Variants in LY86 observed in about 807,000 individuals in gnomAD.
The protein encoded by LY86 is lymphocyte antigen 86, also known as MD-1, RP105-associated.
LY86 carries 20 observed loss-of-function variants against 17.3 expected under a neutral mutation model. That is an observed-to-expected ratio of 1.15 (90% CI 0.81 to 1.68). The LOEUF (loss-of-function observed/expected upper bound fraction) is 1.68, where lower values mean the gene tolerates loss of function less well. LY86 is among the 40% of genes most tolerant of loss of function. The pLI is 0.00. For missense variants in LY86, 200 were observed against 191.9 expected, an observed-to-expected ratio of 1.04 and a Z score of -0.25; for synonymous variants, 74 against 70.6, an observed-to-expected ratio of 1.05 and a Z score of -0.24.
chr6:6,594,516 A>AATC (rs1760639919), intron 1 of LY86, among the ~76,000 whole-genome samples: 1 of 152,324 alleles, frequency 6.6e-6, no homozygotes, highest in Non-Finnish European at 1.5e-5. Context: ...AGAGCGTTAT[A>AATC]ATCATCTGGA....
intron 1 of LY86, chr6:6,621,468 GC>G (rs1266621402): frequency 6.6e-6 from 1 of 152,208 alleles, no homozygotes; most frequent in Non-Finnish European, 1.5e-5. Flanking sequence ...GATAGGTAAA[GC>G]CTGGAAATTG....
At position 6,603,592 on chromosome 6, in the gene LY86, A is replaced by AAAAAAAAAACAAC. The variant is rs1561777919; in HGVS notation, c.136+14726_136+14727insAAAAACAACAAAA. Reference sequence around the variant, plus strand: ...CCAAAACAAAGCCAAAGCCAAAAACAAAAACAGAAACAGAAAAAAAAACAA... The same window carrying AAAAAAAAAACAAC: ...CCAAAACAAAGCCAAAGCCAAAAACAAAAAAAAAACAACAAAACAGAAACAGAAAAAAAAACAA... On this transcript the variant is annotated intron_variant, in intron 1 of 4. Transcript: ENST00000230568. Among the ~76,000 whole-genome samples, 24 of 73,696 alleles carry AAAAAAAAAACAAC rather than the reference A, an allele frequency of 3.3e-4. 2 individuals carry two copies. Among genetic ancestry groups the AAAAAAAAAACAAC allele is most frequent in the Middle Eastern group, 6.8e-3 (1 of 146 alleles). The allele number at this position is 73,696 out of a possible 152,430, so 48.3% of individuals were successfully genotyped here. A position where few individuals can be genotyped will look rare whatever the true frequency, so the allele number is the denominator to read the frequency against.
chr6:6,630,655 G>A (rs1047958980), intron 3 of LY86, among the ~76,000 whole-genome samples: 2 of 152,208 alleles, frequency 1.3e-5, no homozygotes, highest in Non-Finnish European at 2.9e-5. Flanking sequence ...AATGCCGATA[G>A]AACCCCTGTG....
intron 1 of LY86, among the ~76,000 whole-genome samples, chr6:6,602,723 G>A (rs1561777547): frequency 6.6e-6 from 1 of 152,110 alleles, no homozygotes; most frequent in African/African-American, 2.4e-5. Flanking sequence ...TATCTCAAGG[G>A]GGAAGAAACT....
chr6:6,641,778 AC>A (rs1303153554), intron 3 of LY86, among the ~76,000 whole-genome samples: 1 of 152,180 alleles, frequency 6.6e-6, no homozygotes, highest in Non-Finnish European at 1.5e-5. Flanking sequence ...AGTTTGGGGT[AC>A]CCCCAAGTAA....
At chr6:6,616,599 C>T (rs972381102) in intron 1 of LY86, among the ~76,000 whole-genome samples, 1 of 152,238 alleles carries the variant, frequency 6.6e-6, no homozygotes, top group African/African-American at 2.4e-5. Flanking sequence ...CATCAATGAG[C>T]AGACCAGGCT....
chr6:6,605,609 G>A lies in LY86; in HGVS notation c.136+16739G>A, dbSNP rs985086958. Among the ~76,000 whole-genome samples the A allele has an allele frequency of 3.3e-5, 5 of 152,270 alleles. No homozygotes were observed. The East Asian group carries it at 9.6e-4, about 29-fold the overall frequency. ...GCTGTCATAGTCTCATGACATTGCA[G>A]CCTCATCTCAGAAGCAACATTCCAA... is the stretch of plus-strand genomic sequence containing the variant. On this transcript the variant is annotated intron_variant, in intron 1 of 4. Coordinates refer to ENST00000230568, the MANE Select transcript of LY86 (RefSeq NM_004271.4).
chr6:6,599,592 G>A (rs996591905), intron 1 of LY86, among the ~76,000 whole-genome samples: 2 of 152,230 alleles, frequency 1.3e-5, no homozygotes, highest in Non-Finnish European at 2.9e-5. Flanking sequence ...GTTGCAGAGA[G>A]CTGTCACATG....
intron 1 of LY86, among the ~76,000 whole-genome samples, chr6:6,600,302 C>G (rs1020775284): frequency 1.3e-5 from 2 of 152,030 alleles, no homozygotes; most frequent in Non-Finnish European, 2.9e-5. Flanking sequence ...GAAAATATAG[C>G]AGGTCAACCA....
intron 3 of LY86, among the ~76,000 whole-genome samples, chr6:6,648,055 T>C (rs1038623561): frequency 2.0e-5 from 3 of 151,158 alleles, no homozygotes; most frequent in Non-Finnish European, 2.9e-5. Flanking sequence ...GGCACCCCCA[T>C]CTATCCAGAT....
chr6:6,612,358 G>A lies in LY86; in HGVS notation c.137-12568G>A, dbSNP rs151159749. Among the ~76,000 whole-genome samples, 503 of 152,348 alleles carry A rather than the reference G, an allele frequency of 3.3e-3. 4 individuals carry two copies. The highest frequency in any genetic ancestry group is 0.011 in the African/African-American group (471 of 41,572). ...CGCAGTAAGCATTACACTTCTTAAG[G>A]TGATACATTTGGAGTGTTAATCATT... On this transcript the variant is annotated intron_variant, in intron 1 of 4. Transcript: ENST00000230568.
At chr6:6,599,679 A>G (rs1760836768) in intron 1 of LY86, among the ~76,000 whole-genome samples, 1 of 152,226 alleles carries the variant, frequency 6.6e-6, no homozygotes, top group Non-Finnish European at 1.5e-5. Flanking sequence ...CCCTTCCCAC[A>G]GGCAGACGGG....
chr6:6,603,585 C>A (rs1289789617), intron 1 of LY86, among the ~76,000 whole-genome samples: 1 of 29,418 alleles, frequency 3.4e-5, no homozygotes, highest in Non-Finnish European at 1.1e-4. Flanking sequence ...AAGCCAAAGC[C>A]AAAAACAAAA....
intron 3 of LY86, among the ~76,000 whole-genome samples, chr6:6,628,341 T>C (rs997426154): frequency 7.2e-6 from 1 of 138,248 alleles, no homozygotes; most frequent in Admixed American, 7.3e-5. Context: ...CTCCCTCCCT[T>C]CCTCCCTTCT....
At chr6:6,612,299 C>G (rs554317923) in intron 1 of LY86, among the ~76,000 whole-genome samples, 1 of 152,184 alleles carries the variant, frequency 6.6e-6, no homozygotes, top group African/African-American at 2.4e-5. Flanking sequence ...GGGTTAGTGG[C>G]CTTGCTAACT....
At chr6:6,613,372 C>T (rs1475463540) in intron 1 of LY86, among the ~76,000 whole-genome samples, 3 of 152,038 alleles carry the variant, frequency 2.0e-5, no homozygotes, top group South Asian at 2.1e-4. Flanking sequence ...AAGCTCACAG[C>T]GGGGGAGTGG....
intron 1 of LY86, among the ~76,000 whole-genome samples, chr6:6,606,572 G>GTGT (rs1761159867): frequency 6.6e-6 from 1 of 152,234 alleles, no homozygotes. Context: ...CACGGAGCGG[G>GTGT]GGGAGGCTCA....
chr6:6,612,108 T>G (rs1385575804), intron 1 of LY86, among the ~76,000 whole-genome samples: 1 of 152,200 alleles, frequency 6.6e-6, no homozygotes, highest in East Asian at 1.9e-4. Context: ...AGCAAGCTGA[T>G]TATTTCCAAA....
chr6:6,611,341 GCA>G (rs990623224), intron 1 of LY86, among the ~76,000 whole-genome samples: 3 of 152,270 alleles, frequency 2.0e-5, no homozygotes, highest in South Asian at 2.1e-4. Flanking sequence ...TTTTCAACCT[GCA>G]CACTTTCCAT....
Sources: allele counts gnomAD v4.1 joint callset (sites outside exome capture counted in the v4.1 genomes callset), GRCh38; gene constraint gnomAD v4.1.1; transcripts MANE v1.5; gene names NCBI Gene and HGNC (gene_info 2026-07-23, HGNC 2026-07-21).